The following PIWIL2 variants were observed in gnomAD, a reference collection of about 807,000 sequenced individuals.
PIWIL2 encodes the protein piwi like RNA-mediated gene silencing 2.
Under a neutral mutation model 116.5 loss-of-function variants are expected in PIWIL2, and 81 were observed. The ratio of observed to expected loss-of-function variants is 0.70; its 90% CI spans 0.58 to 0.84. The LOEUF (loss-of-function observed/expected upper bound fraction) is 0.84, where lower values mean the gene tolerates loss of function less well. Ranked by LOEUF, PIWIL2 falls within the 40% of genes least tolerant of loss-of-function variation. The pLI is 0.00. For missense variants in PIWIL2, 1,272 were observed against 1,212.3 expected (o/e 1.05, Z -0.73); for synonymous variants, 489 against 429.5 (o/e 1.14, Z -1.71).
In PIWIL2 at chr8:22,314,363, C is replaced by T. The variant is rs1831402129; in HGVS notation, c.2025C>T (p.Gly675=). 6.3e-6 allele frequency: 10 copies of T among 1,580,586 alleles called. No individual in the cohort carries two copies. Among genetic ancestry groups the T allele is most frequent in the Non-Finnish European group, 8.6e-6 (10 of 1,160,904 alleles). ...KIQMVVCIIM[G]PRDDLYGAIK... is the part of the protein sequence containing the mutation. The stretch of plus-strand genomic sequence containing the variant: ...AGATGGTTGTTTGCATCATCATGGG[C>T]CCACGTGATGATCTCTATGGGGCCA... The change falls in exon 17 of 23, where the codon GGC becomes GGT. Residue 675 remains glycine, a synonymous_variant. Coordinates refer to ENST00000356766, the MANE Select transcript of PIWIL2 (RefSeq NM_018068.5).
chr8:22,307,539 G>C (rs924316055), intron 13 of PIWIL2, among the ~76,000 whole-genome samples: 1 of 142,276 alleles, frequency 7.0e-6, no homozygotes, highest in East Asian at 2.1e-4. Context: ...CTGGAGGGCA[G>C]TGGTACAATC....
intron 20 of PIWIL2, among the ~76,000 whole-genome samples, chr8:22,330,734 AAATAAAT>A (rs1831839879): frequency 2.1e-5 from 3 of 140,958 alleles, no homozygotes; most frequent in South Asian, 2.1e-4. Context: ...ATAAATAAAT[AAATAAAT>A]AAAAATAGTT....
At chr8:22,292,309 A>T (rs1373284059) in intron 10 of PIWIL2, among the ~76,000 whole-genome samples, 1 of 152,222 alleles carries the variant, frequency 6.6e-6, no homozygotes, top group Non-Finnish European at 1.5e-5. Flanking sequence ...TGCTGTGTGG[A>T]GAATAGACTT....
chr8:22,297,712 G>A (rs1830943596), intron 10 of PIWIL2, among the ~76,000 whole-genome samples: 1 of 152,154 alleles, frequency 6.6e-6, no homozygotes, highest in South Asian at 2.1e-4. Flanking sequence ...CTAGGAGAAG[G>A]ATCGGGGTCA....
chr8:22,289,741 A>G (rs1199956436), intron 8 of PIWIL2, 106 bp from the exon 9 acceptor site: 1 of 703,186 alleles, frequency 1.4e-6, no homozygotes, highest in Non-Finnish European at 2.5e-6. Flanking sequence ...AAAGAGCACA[A>G]ACATTTCTAA....
chr8:22,311,681 G>A (rs757770829), intron 16 of PIWIL2, among the ~76,000 whole-genome samples: 4 of 152,192 alleles, frequency 2.6e-5, no homozygotes, highest in Non-Finnish European at 4.4e-5. Flanking sequence ...AAATTACTCT[G>A]GTGATGAACT....
chr8:22,339,600 G>T (rs117450180), intron 20 of PIWIL2, among the ~76,000 whole-genome samples: 9 of 152,158 alleles, frequency 5.9e-5, no homozygotes, highest in African/African-American at 1.7e-4. Context: ...TAGATATGAC[G>T]CTGGAAGCAA....
Position 22,289,875 on chromosome 8 carries a change from G to C in PIWIL2, c.1015G>C (p.Val339Leu). The C allele has an allele frequency of 6.2e-7, 1 of 1,611,734 alleles. No homozygotes were observed. The highest frequency in any genetic ancestry group is 1.3e-5 in the African/African-American group (1 of 75,008). ...RVMKLLDMKL[V>L]GRNFYDPTSA... ...AATGAAACTTTTAGATATGAAGCTTGTGGGGAGAAACTTTTATGACCCTAC... is the reference window on the plus strand; with the variant it reads ...AATGAAACTTTTAGATATGAAGCTTCTGGGGAGAAACTTTTATGACCCTAC... The change falls in exon 9 of 23, where the codon GTG (valine) becomes CTG (leucine). Residue 339 changes from valine to leucine, a missense_variant. Coordinates refer to ENST00000356766, the MANE Select transcript of PIWIL2 (RefSeq NM_018068.5).
intron 20 of PIWIL2, among the ~76,000 whole-genome samples, chr8:22,336,280 A>T (rs539424178): frequency 1.3e-5 from 2 of 152,296 alleles, no homozygotes; most frequent in African/African-American, 2.4e-5. Context: ...AATCTTTCAA[A>T]ATACATTCTC....
At chr8:22,296,049 T>G (rs1198568671) in intron 10 of PIWIL2, among the ~76,000 whole-genome samples, 1 of 78,864 alleles carries the variant, frequency 1.3e-5, no homozygotes, top group Non-Finnish European at 2.3e-5. Context: ...TTTTTTTTTT[T>G]TTTTTTTTTG....
At chr8:22,323,536 T>C (rs945171200) in intron 20 of PIWIL2, among the ~76,000 whole-genome samples, 1 of 152,062 alleles carries the variant, frequency 6.6e-6, no homozygotes, top group Non-Finnish European at 1.5e-5. Flanking sequence ...AGCCCAGTCA[T>C]TTTTTTTAAA....
At position 22,290,236 on chromosome 8, in the gene PIWIL2, G is replaced by A. The variant is rs781524935; in HGVS notation, c.1071G>A (p.Leu357=). 6.3e-7 allele frequency: 1 copy of A among 1,585,894 alleles called. No individual in the cohort carries two copies. The highest frequency in any genetic ancestry group is 1.1e-5 in the South Asian group (1 of 90,284). Residue 357 remains leucine (L), a synonymous_variant, in exon 10 of 23, where the codon TTG becomes TTA. Transcript: ENST00000356766. ...TTGAGACCACCTCTCTCTCCAGATT[G>A]CAGATCTGGCCAGGCTATGCAGCTA... ...TSAMVLQQHR[L]QIWPGYAASI...
intron 20 of PIWIL2, among the ~76,000 whole-genome samples, chr8:22,349,866 C>G (rs567816370): frequency 1.3e-5 from 2 of 152,286 alleles, no homozygotes; most frequent in Non-Finnish European, 1.5e-5. Flanking sequence ...ATTGAAGGGC[C>G]AAACTCCACT....
chr8:22,332,403 T>C (rs904371479), intron 20 of PIWIL2, among the ~76,000 whole-genome samples: 1 of 151,482 alleles, frequency 6.6e-6, no homozygotes, highest in Non-Finnish European at 1.5e-5. Context: ...CAGAAGGAGG[T>C]TAAAGAAGGC....
chr8:22,334,280 T>G lies in PIWIL2; in HGVS notation c.2403+16005T>G, dbSNP rs143283316. 5.3e-4 allele frequency among the ~76,000 whole-genome samples: 80 copies of G among 151,768 alleles called. No individual in the cohort carries two copies. In the East Asian group the frequency reaches 0.014, roughly 27 times the overall value. On this transcript the variant is annotated intron_variant, in intron 20 of 22. Transcript: ENST00000356766. ...GTGAGACACCACGCCTGGCCCTGGG[T>G]ACAAGGTTCTTTTTGGGGTGATTAT...
chr8:22,339,506 CA>C (rs60263168), intron 20 of PIWIL2, among the ~76,000 whole-genome samples: 2 of 147,572 alleles, frequency 1.4e-5, no homozygotes, highest in East Asian at 2.0e-4. Flanking sequence ...GACTCCATCT[CA>C]AAAAAAAAAC....
intron 6 of PIWIL2, among the ~76,000 whole-genome samples, chr8:22,287,095 A>C (rs749034225): frequency 4.5e-4 from 68 of 151,720 alleles, no homozygotes; most frequent in Admixed American, 1.1e-3. Context: ...AAAAAAAAAA[A>C]GGGAGATGGG....
At chr8:22,319,055 A>G (rs1319283976) in intron 20 of PIWIL2, among the ~76,000 whole-genome samples, 1 of 152,230 alleles carries the variant, frequency 6.6e-6, no homozygotes, top group Non-Finnish European at 1.5e-5. Context: ...TACTGGATCT[A>G]GAACAGTGAG....
At chr8:22,288,071 G>T (rs1289021948) in intron 7 of PIWIL2, among the ~76,000 whole-genome samples, 3 of 152,168 alleles carry the variant, frequency 2.0e-5, no homozygotes, top group Non-Finnish European at 4.4e-5. Flanking sequence ...GGCTAAGTCA[G>T]GTGGATCACG....
Sources: gnomAD v4.1 joint callset for allele counts (sites outside exome capture counted in the v4.1 genomes callset) on GRCh38, gnomAD v4.1.1 for gene constraint, MANE v1.5 for transcripts, NCBI Gene and HGNC (gene_info 2026-07-23, HGNC 2026-07-21) for gene names.